Variants in ZFHX3 observed in about 807,000 individuals in gnomAD.
The protein encoded by ZFHX3 is zinc finger homeobox protein 3.
A neutral mutation model predicts 279.1 loss-of-function variants in ZFHX3; 42 were observed. The ratio of observed to expected loss-of-function variants is 0.15; its 90% CI spans 0.12 to 0.19. The LOEUF is 0.19. Ranked by LOEUF, ZFHX3 falls within the 10% of genes least tolerant of loss-of-function variation. The pLI is 1.00. For missense variants in ZFHX3, 4,981 were observed against 4,754.0 expected, an observed-to-expected ratio of 1.05 and a Z score of -1.40; for synonymous variants, 2,293 against 1,957.8, an observed-to-expected ratio of 1.17 and a Z score of -4.52.
intron 3 of ZFHX3, among the ~76,000 whole-genome samples, chr16:72,905,484 T>C (rs542485120): frequency 6.6e-6 from 1 of 152,114 alleles, no homozygotes; most frequent in Non-Finnish European, 1.5e-5. Context: ...TATGCTCCTT[T>C]ACTATTAAAC....
rs186240833 is a variant in ZFHX3, at chr16:73,582,812, C to T, written c.-1547+97368G>A. 3.0e-4 allele frequency among the ~76,000 whole-genome samples: 45 copies of T among 151,852 alleles called. No homozygotes were observed. In the East Asian group the frequency reaches 6.8e-3, roughly 23 times the overall value. On this transcript the variant is annotated intron_variant, in intron 2 of 17. Coordinates refer to the ZFHX3 transcript ENST00000641206. ...TTTTATCTAGACTTCCCATCTGAACCCAACTCTTGCATTGGAGTTATATAA... is the reference window on the plus strand; with the variant it reads ...TTTTATCTAGACTTCCCATCTGAACTCAACTCTTGCATTGGAGTTATATAA...
intron 1 of ZFHX3, among the ~76,000 whole-genome samples, chr16:73,043,431 T>G (rs1432407994): frequency 6.6e-6 from 1 of 152,210 alleles, no homozygotes; most frequent in Admixed American, 6.5e-5. Context: ...TCGCAAACTT[T>G]CTATGTCTCC....
chr16:73,575,271 C>T (rs1220269031), intron 2 of ZFHX3, among the ~76,000 whole-genome samples: 4 of 152,308 alleles, frequency 2.6e-5, no homozygotes, highest in East Asian at 3.9e-4. Flanking sequence ...CTATGGAAAG[C>T]GACAGGTTCC....
chr16:73,765,286 C>T (rs1009350879), intron 1 of ZFHX3, among the ~76,000 whole-genome samples: 3 of 152,098 alleles, frequency 2.0e-5, no homozygotes, highest in African/African-American at 7.2e-5. Context: ...GTTGTTTTTG[C>T]AGTGCTAATC....
At chr16:73,265,014 G>A (rs1300413242) in intron 4 of ZFHX3, among the ~76,000 whole-genome samples, 1 of 96,888 alleles carries the variant, frequency 1.0e-5, no homozygotes, top group Non-Finnish European at 2.1e-5. Flanking sequence ...GCACCTCAGT[G>A]CATATATATA....
At chr16:73,679,022 G>A (rs1389058893) in intron 2 of ZFHX3, among the ~76,000 whole-genome samples, 1 of 152,028 alleles carries the variant, frequency 6.6e-6, no homozygotes, top group Non-Finnish European at 1.5e-5. Flanking sequence ...AAAATCTATA[G>A]TCCAAGCCTG....
intron 1 of ZFHX3, among the ~76,000 whole-genome samples, chr16:73,699,380 A>G (rs926589633): frequency 3.9e-5 from 6 of 152,232 alleles, no homozygotes; most frequent in Non-Finnish European, 8.8e-5. Flanking sequence ...TCCCAAAAAT[A>G]AAAGACCAGT....
intron 1 of ZFHX3, among the ~76,000 whole-genome samples, chr16:73,770,833 G>T (rs1464759385): frequency 6.6e-6 from 1 of 152,214 alleles, no homozygotes; most frequent in African/African-American, 2.4e-5. Context: ...CAACATAGCT[G>T]CTGAGTTTAA....
At chr16:73,876,504 T>G (rs2029951759) in intron 1 of ZFHX3, among the ~76,000 whole-genome samples, 1 of 152,242 alleles carries the variant, frequency 6.6e-6, no homozygotes, top group African/African-American at 2.4e-5. Flanking sequence ...GTGTGTATCC[T>G]ATCAGTAACA....
chr16:73,297,460 A>G (rs2014943463), intron 4 of ZFHX3, among the ~76,000 whole-genome samples: 1 of 152,032 alleles, frequency 6.6e-6, no homozygotes. Context: ...AAACATGTAT[A>G]TTTACAACAA....
intron 1 of ZFHX3, among the ~76,000 whole-genome samples, chr16:73,752,040 C>A (rs1174620375): frequency 6.6e-6 from 1 of 152,112 alleles, no homozygotes; most frequent in African/African-American, 2.4e-5. Context: ...AGGGCACAGG[C>A]CTGGCCATAA....
chr16:73,034,482 C>T (rs1964828180), intron 1 of ZFHX3, among the ~76,000 whole-genome samples: 2 of 152,150 alleles, frequency 1.3e-5, no homozygotes, highest in South Asian at 4.1e-4. Flanking sequence ...GTGTGTGGTG[C>T]TAGAAATGAC....
chr16:73,474,362 C>T (rs1435907083), intron 2 of ZFHX3, among the ~76,000 whole-genome samples: 3 of 152,052 alleles, frequency 2.0e-5, no homozygotes, highest in Admixed American at 6.5e-5. Context: ...TTGGCCAGGC[C>T]GGTCTCGAAC....
Position 72,958,455 on chromosome 16 carries a change from G to A in ZFHX3, c.1691C>T (p.Ala564Val), listed in dbSNP as rs770703902. The A allele has an allele frequency of 1.2e-5, 20 of 1,613,948 alleles. No homozygotes were observed. The highest frequency in any genetic ancestry group is 2.2e-5 in the East Asian group (1 of 44,888). ...AAAGCTTAAACGATTCCTCCTGTTC[G>A]CACCATCAAAGACAACAAAGGAAGA... The part of the protein sequence containing the change: ...SASSFVVFDG[A>V]NRRNRLSFNS... The change falls in exon 2 of 10, where the codon GCG becomes GTG. Residue 564 changes from alanine to valine, a missense_variant. Ala to Val is a moderately conservative substitution (Grantham distance 64). This residue lies in a region of ZFHX3 where 1,068 missense variants were observed against 935.2 expected (regional missense o/e 1.14). Transcript: ENST00000268489.
chr16:72,999,547 A>G (rs1963417602), intron 1 of ZFHX3, among the ~76,000 whole-genome samples: 1 of 152,216 alleles, frequency 6.6e-6, no homozygotes, highest in Non-Finnish European at 1.5e-5. Flanking sequence ...CACAGGGCAT[A>G]AACTTTGGAG....
chr16:73,272,433 T>G (rs565014171), intron 4 of ZFHX3, among the ~76,000 whole-genome samples: 1 of 152,296 alleles, frequency 6.6e-6, no homozygotes, highest in South Asian at 2.1e-4. Flanking sequence ...CATATGACAT[T>G]TTACATTAAC....
At chr16:73,197,208 TA>T (rs1262867725) in intron 5 of ZFHX3, among the ~76,000 whole-genome samples, 1 of 152,242 alleles carries the variant, frequency 6.6e-6, no homozygotes, top group Non-Finnish European at 1.5e-5. Context: ...GCCTCCTGTC[TA>T]AGCATTTCAA....
intron 2 of ZFHX3, among the ~76,000 whole-genome samples, chr16:73,535,536 C>A (rs2019884269): frequency 6.6e-6 from 1 of 152,102 alleles, no homozygotes; most frequent in Non-Finnish European, 1.5e-5. Context: ...GAACTGTGGA[C>A]AGACACTCTC....
chr16:73,581,490 T>G (rs1171451560), intron 2 of ZFHX3, among the ~76,000 whole-genome samples: 6 of 151,750 alleles, frequency 4.0e-5, no homozygotes, highest in Non-Finnish European at 7.3e-5. Flanking sequence ...AAATGGATGC[T>G]TGTTACTTTC....
Sources: allele counts gnomAD v4.1 joint callset (sites outside exome capture counted in the v4.1 genomes callset), GRCh38; gene constraint gnomAD v4.1.1; regional missense constraint gnomAD v4.1.1; transcripts MANE v1.5; gene names NCBI Gene and HGNC (gene_info 2026-07-23, HGNC 2026-07-21).